KMT2C: variants seen among roughly 807,000 people sequenced by gnomAD.
The protein encoded by KMT2C is lysine methyltransferase 2C, also known as histone-lysine N-methyltransferase 2C.
KMT2C carries 88 observed loss-of-function variants against 507.9 expected under a neutral mutation model. The ratio of observed to expected loss-of-function variants is 0.17; its 90% CI spans 0.15 to 0.21. The LOEUF (loss-of-function observed/expected upper bound fraction) is 0.21. Ranked by LOEUF, KMT2C falls within the 10% of genes least tolerant of loss-of-function variation. KMT2C has a pLI of 1.00. For missense variants in KMT2C, 4,954 were observed against 5,957.8 expected (o/e 0.83, Z 5.55); for synonymous variants, 2,049 against 2,080.8 (o/e 0.98, Z 0.42).
chr7:152,290,220 A>ATATGTGTGTGTGTGTG (rs1554617001), intron 6 of KMT2C, among the ~76,000 whole-genome samples: 1 of 86,294 alleles, frequency 1.2e-5, no homozygotes, highest in African/African-American at 4.7e-5. Flanking sequence ...TTATATATAT[A>ATATGTGTGTGTGTGTG]TGTGTGTGTG....
At chr7:152,275,261 T>C (rs368457807) in intron 6 of KMT2C, among the ~76,000 whole-genome samples, 1 of 152,148 alleles carries the variant, frequency 6.6e-6, no homozygotes, top group African/African-American at 2.4e-5. Flanking sequence ...ATACAAAAAT[T>C]TGGCTGGGCC....
In KMT2C at chr7:152,182,062, G is replaced by C. The variant is rs1401573768; in HGVS notation, c.5798C>G (p.Ser1933Cys). The C allele has an allele frequency of 6.2e-7, 1 of 1,614,186 alleles. No homozygotes were observed. ...VENCTPLSSVSRPLQMNETTA... is the reference protein window; with the variant it reads ...VENCTPLSSVCRPLQMNETTA... ...TGTCTCATTCATTTGAAGGGGCCTA[G>C]ATACCGATGATAAAGGTGTACAGTT... The change falls in exon 36 of 59, where the codon TCT becomes TGT. Residue 1933 changes from serine to cysteine, a missense_variant. By Grantham distance (112) the Ser-to-Cys change is moderately radical (BLOSUM62 -1). This residue lies in a region of KMT2C where 1,689 missense variants were observed against 1,654.3 expected (regional missense o/e 1.02). Coordinates refer to ENST00000262189, the MANE Select transcript of KMT2C (RefSeq NM_170606.3).
chr7:152,345,712 G>A (rs947204263), intron 2 of KMT2C, among the ~76,000 whole-genome samples: 24 of 152,044 alleles, frequency 1.6e-4, no homozygotes, highest in African/African-American at 5.8e-4. Context: ...ATAGAGGTGG[G>A]GTTTCACCAC....
intron 1 of KMT2C, among the ~76,000 whole-genome samples, chr7:152,430,581 G>A (rs2097855726): frequency 6.6e-6 from 1 of 152,210 alleles, no homozygotes. Flanking sequence ...CCTGACTAGA[G>A]TGTAGTGGTG....
rs1048958916 is a variant in KMT2C at position 152,344,771 on chromosome 7, A to T, written c.250+13816T>A. Among the ~76,000 whole-genome samples the T allele has an allele frequency of 6.6e-5, 10 of 152,118 alleles. 1 individual carries two copies. The South Asian group carries it at 1.7e-3, about 25-fold the overall frequency. On this transcript the variant is annotated intron_variant, in intron 2 of 58. Transcript: ENST00000262189. ...GGGAGGCCGAGGCGGGCAGATCACA[A>T]GGTCAGGAGATCGAGACCATCCTGG...
At chr7:152,202,766 A>AT (rs1464866412) in intron 26 of KMT2C, among the ~76,000 whole-genome samples, 168 bp downstream of exon 26, 2 of 152,192 alleles carry the variant, frequency 1.3e-5, no homozygotes, top group Non-Finnish European at 2.9e-5. Flanking sequence ...AAAAAAGTAA[A>AT]TTTAATTTTT....
chr7:152,194,273 T>TAAA lies in KMT2C; in HGVS notation c.4508-15_4508-13dup. On this transcript the variant is annotated splice_polypyrimidine_tract_variant and intron_variant, in intron 29 of 58. Coordinates refer to ENST00000262189, the MANE Select transcript of KMT2C (RefSeq NM_170606.3). ...TCCAAGAATTGCTCCTAGAATAAAT[T>TAAA]AAAAAAAAAAAAGAAACATTAACAG... 2 of 1,141,220 alleles carry TAAA rather than the reference T, an allele frequency of 1.8e-6. No homozygotes were observed. The highest frequency in any genetic ancestry group is 1.7e-5 in the African/African-American group (1 of 59,624). 70.7% of individuals were successfully genotyped at this position (1,141,220 alleles called of 1,614,324 possible).
At position 152,138,707 on chromosome 7, in the gene KMT2C, G is replaced by A. The variant is rs2090166450; in HGVS notation, c.14643+89C>T. The stretch of plus-strand genomic sequence containing the variant: ...AGTTTTTATCACAACAAAGAATTGG[G>A]AAACAAGTGAGTAAGTGACCTGTGT... On this transcript the variant is annotated intron_variant, in intron 58 of 58. Transcript: ENST00000262189. This position sits in a 1 kb window ranked among gnomAD's most constrained non-coding sequence, Gnocchi z 4.2. The A allele has an allele frequency of 2.4e-6, 2 of 826,720 alleles. No homozygotes were observed. Among genetic ancestry groups the A allele is most frequent in the Non-Finnish European group, 3.9e-6 (2 of 507,924 alleles). 51.2% of individuals were successfully genotyped at this position (826,720 alleles called of 1,614,324 possible).
chr7:152,397,983 A>G (rs1381598902), intron 1 of KMT2C, among the ~76,000 whole-genome samples: 2 of 152,184 alleles, frequency 1.3e-5, no homozygotes, highest in Non-Finnish European at 2.9e-5. Flanking sequence ...GAGTCTTCAC[A>G]ATAAATCCTG....
chr7:152,202,398 T>A (rs1245543797), intron 26 of KMT2C, among the ~76,000 whole-genome samples: 1 of 152,232 alleles, frequency 6.6e-6, no homozygotes, highest in African/African-American at 2.4e-5. Flanking sequence ...TTTTTTGTAG[T>A]CTACATCTAT....
chr7:152,137,921 T>C (rs1302295754), intron 58 of KMT2C: 1 of 152,160 alleles, frequency 6.6e-6, no homozygotes, highest in Non-Finnish European at 1.5e-5. Flanking sequence ...GGATCCTTAT[T>C]CTTGACTAAG....
chr7:152,220,257 T>C (rs1463311413), intron 23 of KMT2C: 7 of 448,038 alleles, frequency 1.6e-5, no homozygotes, highest in African/African-American at 7.9e-5. Flanking sequence ...AAGCCCTCTG[T>C]AGTTCCCCAC....
intron 2 of KMT2C, among the ~76,000 whole-genome samples, chr7:152,350,076 C>T (rs746044163): frequency 6.6e-6 from 1 of 152,068 alleles, no homozygotes; most frequent in Non-Finnish European, 1.5e-5. Flanking sequence ...ACATGGAAAA[C>T]CCTGTCTCTA....
chr7:152,229,535 A>C (rs1054996100), intron 18 of KMT2C, among the ~76,000 whole-genome samples: 9 of 152,154 alleles, frequency 5.9e-5, no homozygotes, highest in Admixed American at 5.2e-4. Flanking sequence ...TATACGAGTG[A>C]GCATAGAGGA....
intron 1 of KMT2C, among the ~76,000 whole-genome samples, chr7:152,390,918 A>C (rs2097488508): frequency 6.6e-6 from 1 of 152,060 alleles, no homozygotes; most frequent in Non-Finnish European, 1.5e-5. Flanking sequence ...AGGCCGAGGC[A>C]GATGGATCAC....
chr7:152,378,269 A>G (rs2097344153), intron 1 of KMT2C, among the ~76,000 whole-genome samples: 1 of 152,218 alleles, frequency 6.6e-6, no homozygotes, highest in South Asian at 2.1e-4. Context: ...ATCTTTCATG[A>G]AAGAAACAGG....
At chr7:152,245,729 A>C (rs1309490944) in intron 14 of KMT2C, among the ~76,000 whole-genome samples, 2 of 152,200 alleles carry the variant, frequency 1.3e-5, no homozygotes, top group Admixed American at 6.5e-5. Flanking sequence ...CTATTATAGA[A>C]AATCATTAAA....
intron 1 of KMT2C, among the ~76,000 whole-genome samples, chr7:152,414,649 T>C (rs2097716115): frequency 6.6e-6 from 1 of 151,580 alleles, no homozygotes; most frequent in African/African-American, 2.4e-5. Context: ...GCGCCCGGCA[T>C]CATGCCTGGC....
At chr7:152,189,933 C>G (rs2093739224) in intron 31 of KMT2C, among the ~76,000 whole-genome samples, 1 of 152,184 alleles carries the variant, frequency 6.6e-6, no homozygotes, top group African/African-American at 2.4e-5. Flanking sequence ...CTGTTAGGAA[C>G]CCGGCCGCAC....
Sources: allele counts gnomAD v4.1 joint callset (sites outside exome capture counted in the v4.1 genomes callset), GRCh38; gene constraint gnomAD v4.1.1; regional missense constraint gnomAD v4.1.1; non-coding constraint Gnocchi (gnomAD v3.1); transcripts MANE v1.5; gene names NCBI Gene and HGNC (gene_info 2026-07-23, HGNC 2026-07-21).